The following DEGS1 variants were observed in gnomAD, a reference collection of about 807,000 sequenced individuals.
DEGS1 encodes the protein sphingolipid delta(4)-desaturase DES1.
A neutral mutation model predicts 24.1 loss-of-function variants in DEGS1; 17 were observed. The ratio of observed to expected loss-of-function variants is 0.70; its 90% CI spans 0.48 to 1.06. DEGS1 has a LOEUF of 1.06. Ranked by LOEUF, DEGS1 falls within the 50% of genes least tolerant of loss-of-function variation. The pLI, the probability that DEGS1 is intolerant of heterozygous loss-of-function variation, is 0.00. For synonymous variants in DEGS1, 134 were observed against 140.0 expected, an observed-to-expected ratio of 0.96 and a Z score of 0.30; for missense variants, 366 against 408.9, an observed-to-expected ratio of 0.90 and a Z score of 0.91.
At chr1:224,188,066 AT>A (rs1658441046) in intron 1 of DEGS1, among the ~76,000 whole-genome samples, 1 of 151,292 alleles carries the variant, frequency 6.6e-6, no homozygotes, top group African/African-American at 2.4e-5. Context: ...GAGTGCTGGC[AT>A]TATAGGTGTG....
intron 1 of DEGS1, among the ~76,000 whole-genome samples, chr1:224,189,257 C>T (rs1289518069): frequency 2.6e-5 from 4 of 152,092 alleles, no homozygotes; most frequent in African/African-American, 7.2e-5. Context: ...TTAATTTAAT[C>T]GTTTTATATA....
chr1:224,192,226 G>T (rs1285360477), intron 2 of DEGS1, 106 bp from the exon 3 acceptor site: 9 of 909,422 alleles, frequency 9.9e-6, no homozygotes, highest in Non-Finnish European at 1.5e-5. Flanking sequence ...AGGGAGGCAG[G>T]TCTCATGGTT....
intron 2 of DEGS1, among the ~76,000 whole-genome samples, chr1:224,191,644 G>GAGT (rs945337991): frequency 1.6e-5 from 2 of 126,752 alleles, no homozygotes; most frequent in Non-Finnish European, 3.2e-5. Context: ...ACCCAGGCTG[G>GAGT]AGTGCAGTGG....
intron 1 of DEGS1, among the ~76,000 whole-genome samples, chr1:224,186,542 T>C (rs147363273): frequency 0.031 from 4,660 of 151,890 alleles, 226 homozygotes; most frequent in African/African-American, 0.1. Flanking sequence ...TGAAACCCCA[T>C]CTCTACTAAA....
chr1:224,189,489 TGTTA>T (rs1658477167), intron 1 of DEGS1, 84 bp from the exon 2 acceptor site: 4 of 981,402 alleles, frequency 4.1e-6, no homozygotes, highest in Non-Finnish European at 6.0e-6. Flanking sequence ...AAATTTAATG[TGTTA>T]GTTTAATTGG....
chr1:224,184,938 C>T (rs1384368414), intron 1 of DEGS1, among the ~76,000 whole-genome samples: 1 of 151,414 alleles, frequency 6.6e-6, no homozygotes, highest in Non-Finnish European at 1.5e-5. Flanking sequence ...AGTTTGAGAC[C>T]ATCCTGAGTA....
At position 224,183,277 on chromosome 1, in the gene DEGS1, C is replaced by T. The variant is rs1295266697; in HGVS notation, c.-60C>T. 29 of 1,433,114 alleles carry T rather than the reference C, an allele frequency of 2.0e-5. No individual in the cohort carries two copies. The highest frequency in any genetic ancestry group is 2.5e-5 in the Non-Finnish European group (27 of 1,080,802). The allele number at this position is 1,433,114 out of a possible 1,614,324, so 88.8% of individuals were successfully genotyped here. The stretch of plus-strand genomic sequence containing the variant: ...GGGGAGCCGCCGCCGCCGCCGCCAC[C>T]TCTGAGCAGCCGGCTGGGAGCGAGA... On this transcript the variant is annotated 5_prime_UTR_variant, in exon 1 of 3. Transcript: ENST00000323699.
At chr1:224,183,652 G>C (rs111480066) in intron 1 of DEGS1, 457 of 327,860 alleles carry the variant, frequency 1.4e-3, no homozygotes, top group African/African-American at 8.9e-3. Flanking sequence ...ACCCTTCCGC[G>C]AAGAGGCGCA....
chr1:224,192,152 G>A (rs1658553311), intron 2 of DEGS1, among the ~76,000 whole-genome samples, 180 bp from the exon 3 acceptor site: 1 of 151,116 alleles, frequency 6.6e-6, no homozygotes, highest in Non-Finnish European at 1.5e-5. Flanking sequence ...AATGTAGACT[G>A]CTTTTTGTTT....
chr1:224,187,403 C>T (rs1658421985), intron 1 of DEGS1, among the ~76,000 whole-genome samples: 1 of 152,020 alleles, frequency 6.6e-6, no homozygotes, highest in South Asian at 2.1e-4. Flanking sequence ...GAGAGAGAGT[C>T]TCACTGTGTT....
rs573013952 is a variant in DEGS1, at chr1:224,187,289, C to T, written c.83-2288C>T. On this transcript the variant is annotated intron_variant, in intron 1 of 2. Coordinates refer to ENST00000323699, the MANE Select transcript of DEGS1 (RefSeq NM_003676.4). ...CACCATTGCACTCCAGCCTGGGCAA[C>T]AGAGCGAGACTCCGTCTCAAAAAAA... Among the ~76,000 whole-genome samples, 314 of 151,708 alleles carry T rather than the reference C, an allele frequency of 2.1e-3. 1 individual carries two copies. Among genetic ancestry groups the T allele is most frequent in the African/African-American group, 7.1e-3 (292 of 41,348 alleles).
chr1:224,183,647 T>A (rs1658296962), intron 1 of DEGS1: 2 of 330,388 alleles, frequency 6.1e-6, no homozygotes, highest in Admixed American at 9.9e-5. Context: ...CTCCGACCCT[T>A]CCGCGAAGAG....
intron 1 of DEGS1, among the ~76,000 whole-genome samples, chr1:224,184,328 T>G (rs1244024054): frequency 6.6e-6 from 1 of 152,198 alleles, no homozygotes; most frequent in Admixed American, 6.5e-5. Context: ...TTACAAACAT[T>G]ACCCAATTTC....
At chr1:224,184,244 G>A (rs1195599282) in intron 1 of DEGS1, among the ~76,000 whole-genome samples, 5 of 152,168 alleles carry the variant, frequency 3.3e-5, no homozygotes, top group Non-Finnish European at 5.9e-5. Context: ...GAGGATTCGG[G>A]CCTTCTGTGT....
At chr1:224,185,364 C>T (rs1293529921) in intron 1 of DEGS1, among the ~76,000 whole-genome samples, 2 of 152,166 alleles carry the variant, frequency 1.3e-5, no homozygotes, top group Admixed American at 6.6e-5. Flanking sequence ...AAGGGTCTTG[C>T]TTTGTTGCCC....
chr1:224,190,558 AT>A (rs1179612435), intron 2 of DEGS1, among the ~76,000 whole-genome samples: 1 of 150,652 alleles, frequency 6.6e-6, no homozygotes, highest in African/African-American at 2.4e-5. Flanking sequence ...GGGTTTTGCC[AT>A]GTTGGCCAGG....
Position 224,190,090 on chromosome 1 carries a change from T to C in DEGS1, c.596T>C (p.Leu199Ser), listed in dbSNP as rs1658498363. ...NTVAQVTFDI[L>S]IYYFLGIKSL... ...GTGGCACAGGTCACTTTTGACATTT[T>C]AATTTATTACTTTTTGGGAATTAAA... The change falls in exon 2 of 3, where the codon TTA becomes TCA. Residue 199 changes from leucine (L) to serine (S), a missense_variant. Transcript: ENST00000323699. 6.2e-7 allele frequency: 1 copy of C among 1,613,874 alleles called. No homozygotes were observed. The highest frequency in any genetic ancestry group is 2.2e-5 in the East Asian group (1 of 44,888).
In DEGS1 at chr1:224,192,568, A is replaced by T; in HGVS notation, c.*90A>T. On this transcript the variant is annotated 3_prime_UTR_variant, in exon 3 of 3. Coordinates refer to ENST00000323699, the MANE Select transcript of DEGS1 (RefSeq NM_003676.4). ...ATTAAACTTGAGACCAGTGATGCTCAGAAGCTCCCCTGGCACAATTTCAGA... is the reference window on the plus strand; with the variant it reads ...ATTAAACTTGAGACCAGTGATGCTCTGAAGCTCCCCTGGCACAATTTCAGA... 7.8e-7 allele frequency: 1 copy of T among 1,281,308 alleles called. No homozygotes were observed. The highest frequency in any genetic ancestry group is 1.1e-6 in the Non-Finnish European group (1 of 926,944). The allele number at this position is 1,281,308 out of a possible 1,614,324, so 79.4% of individuals were successfully genotyped here. A position where few individuals can be genotyped will look rare whatever the true frequency, so the allele number is the denominator to read the frequency against.
At chr1:224,185,628 G>A (rs1658364752) in intron 1 of DEGS1, among the ~76,000 whole-genome samples, 1 of 152,106 alleles carries the variant, frequency 6.6e-6, no homozygotes, top group Admixed American at 6.6e-5. Flanking sequence ...AGTCTCCCGA[G>A]TACCTGGGAT....
Sources: gnomAD v4.1 joint callset for allele counts (sites outside exome capture counted in the v4.1 genomes callset) on GRCh38, gnomAD v4.1.1 for gene constraint, MANE v1.5 for transcripts, NCBI Gene and HGNC (gene_info 2026-07-23, HGNC 2026-07-21) for gene names.